DIP2A: variants seen among roughly 807,000 people sequenced by gnomAD.
The protein encoded by DIP2A is disco-interacting protein 2 homolog A.
In DIP2A, 85 loss-of-function variants were observed where a neutral mutation model predicts 177.4. The observed-to-expected ratio is 0.48, with a 90% CI of 0.40 to 0.57. The LOEUF is 0.57. Ranked by LOEUF, DIP2A falls within the 20% of genes least tolerant of loss-of-function variation. DIP2A has a pLI of 0.00. For missense variants in DIP2A, 1,791 were observed against 2,100.2 expected, an observed-to-expected ratio of 0.85 and a Z score of 2.88; for synonymous variants, 886 against 881.8, an observed-to-expected ratio of 1.00 and a Z score of -0.08.
At chr21:46,489,938 G>A (rs994551513) in intron 2 of DIP2A, among the ~76,000 whole-genome samples, 12 of 152,168 alleles carry the variant, frequency 7.9e-5, no homozygotes, top group Non-Finnish European at 1.6e-4. Context: ...GGAGGTCCTG[G>A]TGAGGGAGTG....
At chr21:46,565,931 G>C (rs765569798) in intron 36 of DIP2A, 44 bp downstream of exon 36, 4 of 1,604,858 alleles carry the variant, frequency 2.5e-6, no homozygotes, top group Non-Finnish European at 3.4e-6. Flanking sequence ...TGTGCGGGGA[G>C]GACCTGGGCT....
At chr21:46,505,805 T>C (rs1310101302) in intron 6 of DIP2A, among the ~76,000 whole-genome samples, 1 of 152,202 alleles carries the variant, frequency 6.6e-6, no homozygotes, top group African/African-American at 2.4e-5. Context: ...TTCTAGAATT[T>C]TATATAAAAG....
intron 8 of DIP2A, among the ~76,000 whole-genome samples, chr21:46,519,856 T>C (rs542973354): frequency 0.023 from 269 of 11,548 alleles, 1 homozygote; most frequent in African/African-American, 0.058. Flanking sequence ...TTGATCTAGA[T>C]TTTTTTTTTT....
chr21:46,476,396 C>A (rs1297696225), intron 1 of DIP2A, among the ~76,000 whole-genome samples: 4 of 151,758 alleles, frequency 2.6e-5, no homozygotes, highest in Admixed American at 6.6e-5. Context: ...GATGAGCAAT[C>A]TACAGAGTTG....
rs1468497614 is a variant in DIP2A at position 46,487,515 on chromosome 21, AAGC to A, written c.163+2690_163+2692del. 3.3e-5 allele frequency among the ~76,000 whole-genome samples: 5 copies of A among 152,222 alleles called. No homozygotes were observed. The East Asian group carries it at 7.7e-4, about 23-fold the overall frequency. ...AGCTGATGCAGTGCGATGGAAAACA[AAGC>A]AGAATAAATAAATATTAGAGAACAA... is the stretch of plus-strand genomic sequence containing the variant. On this transcript the variant is annotated intron_variant, in intron 2 of 37. Coordinates refer to ENST00000417564, the MANE Select transcript of DIP2A (RefSeq NM_015151.4).
intron 33 of DIP2A, chr21:46,561,184 T>C (rs2060650711): frequency 2.8e-6 from 1 of 354,604 alleles, no homozygotes; most frequent in African/African-American, 2.2e-5. Context: ...GAACGTTTCT[T>C]ACCCGATGAC....
In DIP2A at chr21:46,477,543, T is replaced by TTG. The variant is rs1555874551; in HGVS notation, c.92-7190_92-7189dup. On this transcript the variant is annotated intron_variant, in intron 1 of 37. Transcript: ENST00000417564. The stretch of plus-strand genomic sequence containing the variant: ...CTCCGCCTAAAATAAAAAAAAAGAT[T>TTG]TGTGTGTGTGTGTGTGTGTGTGTGT... 2.8e-3 allele frequency among the ~76,000 whole-genome samples: 248 copies of TTG among 87,132 alleles called. 2 individuals are homozygous for TTG. Among genetic ancestry groups the TTG allele is most frequent in the Middle Eastern group, 0.012 (2 of 168 alleles). 57.2% of individuals were successfully genotyped at this position (87,132 alleles called of 152,430 possible).
At chr21:46,497,199 G>T in intron 4 of DIP2A, 92 bp downstream of exon 4, 2 of 1,464,526 alleles carry the variant, frequency 1.4e-6, no homozygotes, top group Middle Eastern at 3.5e-4. Context: ...TGGAATATCC[G>T]TCTGGCCTGT....
rs1426016046 is a variant in DIP2A at position 46,477,137 on chromosome 21, G to A, written c.92-7620G>A. 4.6e-5 allele frequency among the ~76,000 whole-genome samples: 7 copies of A among 152,092 alleles called. 1 individual carries two copies. The East Asian group carries it at 1.3e-3, about 29-fold the overall frequency. On this transcript the variant is annotated intron_variant, in intron 1 of 37. Coordinates refer to ENST00000417564, the MANE Select transcript of DIP2A (RefSeq NM_015151.4). ...TGTGTGGGCACCTCCAGTAGGACCG[G>A]TCCGATTGTTTGGGTAAATCTAGCA...
At chr21:46,549,685 C>A in intron 21 of DIP2A, 86 bp from the exon 22 acceptor site, 1 of 1,570,722 alleles carries the variant, frequency 6.4e-7, no homozygotes, top group South Asian at 1.2e-5. Context: ...CTAGGACAGT[C>A]TGCCTCTTCC....
chr21:46,524,872 CTTTTTTTTTTTTTTTT>C (rs3061062), intron 8 of DIP2A, among the ~76,000 whole-genome samples: 10 of 63,388 alleles, frequency 1.6e-4, no homozygotes, highest in South Asian at 6.7e-4. Flanking sequence ...TTGCTTTTTG[CTTTTTTTTTTTTTTTT>C]TTTTTTTTTT....
At chr21:46,559,579 G>A (rs971056627) in intron 32 of DIP2A, among the ~76,000 whole-genome samples, 6 of 152,232 alleles carry the variant, frequency 3.9e-5, no homozygotes, top group Non-Finnish European at 7.3e-5. Context: ...GTGGCTGAGC[G>A]TGGGTGCCGG....
chr21:46,554,545 C>A, intron 26 of DIP2A, 30 bp from the exon 27 acceptor site: 1 of 1,603,408 alleles, frequency 6.2e-7, no homozygotes, highest in East Asian at 2.3e-5. Flanking sequence ...TTGCGGCCGG[C>A]CTCCTCACAG....
rs564538511 is a variant in DIP2A, at chr21:46,491,055, G to T, written c.283+336G>T. Among the ~76,000 whole-genome samples, 340 of 152,180 alleles carry T rather than the reference G, an allele frequency of 2.2e-3. 2 individuals are homozygous for T. Among genetic ancestry groups the T allele is most frequent in the African/African-American group, 7.6e-3 (317 of 41,536 alleles). ...TTTGAAGTTGATACTAATAATTTTT[G>T]TGCTTTATGGAGCAGCTTTACTGCT... On this transcript the variant is annotated intron_variant, in intron 3 of 37. Coordinates refer to ENST00000417564, the MANE Select transcript of DIP2A (RefSeq NM_015151.4).
chr21:46,575,029 T>A, the DIP2A span, among the ~76,000 whole-genome samples: 1 of 152,040 alleles, frequency 6.6e-6, no homozygotes, highest in African/African-American at 2.4e-5. Context: ...AAATCCTCAA[T>A]AAAATACTAG....
At chr21:46,499,059 G>T (rs1029654819) in intron 5 of DIP2A, among the ~76,000 whole-genome samples, 1 of 152,216 alleles carries the variant, frequency 6.6e-6, no homozygotes, top group Non-Finnish European at 1.5e-5. Flanking sequence ...GCACTTGAAA[G>T]AAATGGGCTA....
downstream of DIP2A, among the ~76,000 whole-genome samples, chr21:46,572,566 T>C (rs2060976021): frequency 6.6e-6 from 1 of 152,242 alleles, no homozygotes; most frequent in Admixed American, 6.5e-5. Context: ...GCTGATGGCT[T>C]TGTAAGAAGA....
At chr21:46,477,543 T>TGTGTGTGTGTG (rs2055964791) in intron 1 of DIP2A, among the ~76,000 whole-genome samples, 3 of 87,094 alleles carry the variant, frequency 3.4e-5, no homozygotes, top group Non-Finnish European at 6.8e-5. Context: ...AAAAAAAGAT[T>TGTGTGTGTGTG]TGTGTGTGTG....
rs781585401 is a variant in DIP2A, at chr21:46,561,665, A to G, written c.4032-83A>G. ...TTGTCAACAGACCCTCAGAGTGATC[A>G]TTTCCAACGTCATGATCTGCCCTTT... is the stretch of plus-strand genomic sequence containing the variant. On this transcript the variant is annotated intron_variant, in intron 33 of 37. Transcript: ENST00000417564. 2.6e-6 allele frequency: 4 copies of G among 1,538,236 alleles called. No homozygotes were observed. The South Asian group carries it at 3.4e-5, about 13-fold the overall frequency.
Sources: gnomAD v4.1 joint callset for allele counts (sites outside exome capture counted in the v4.1 genomes callset) on GRCh38, gnomAD v4.1.1 for gene constraint, MANE v1.5 for transcripts, NCBI Gene and HGNC (gene_info 2026-07-23, HGNC 2026-07-21) for gene names.